C4orf51: variants seen among roughly 807,000 people sequenced by gnomAD.
C4orf51 encodes chromosome 4 open reading frame 51, also known as uncharacterized protein C4orf51.
C4orf51 carries 25 observed loss-of-function variants against 25.2 expected under a neutral mutation model. The ratio of observed to expected loss-of-function variants is 0.99; its 90% CI spans 0.72 to 1.39. The LOEUF is 1.39. Among genes scored for constraint, C4orf51 ranks in the 40% most tolerant of loss-of-function variants. The pLI is 0.00. For synonymous variants in C4orf51, 100 were observed against 84.5 expected (o/e 1.18, Z -1.01); for missense variants, 252 against 239.6 (o/e 1.05, Z -0.34).
chr4:145,763,546 C>T lies in C4orf51; in HGVS notation n.167-7442C>T, dbSNP rs1734836505. On this transcript the variant is annotated intron_variant and non_coding_transcript_variant, in intron 1 of 1. Coordinates refer to the C4orf51 transcript ENST00000510096. The surrounding 1 kb of genome is among the most constrained non-coding windows in gnomAD (Gnocchi z 4.6). ...AGCATCAGAATTCACTGTGCATTCT[C>T]CCCAATGGCTTCAGAGGCTGGGGAC... is the stretch of plus-strand genomic sequence containing the variant. Among the ~76,000 whole-genome samples the T allele has an allele frequency of 6.6e-6, 1 of 152,174 alleles. No homozygotes were observed. The highest frequency in any genetic ancestry group is 2.4e-5 in the African/African-American group (1 of 41,444).
intron 2 of C4orf51, among the ~76,000 whole-genome samples, chr4:145,711,554 G>T (rs1289058318): frequency 6.6e-6 from 1 of 151,960 alleles, no homozygotes; most frequent in Non-Finnish European, 1.5e-5. Flanking sequence ...CTGTATATTA[G>T]TTATCTTGAT....
intron 2 of C4orf51, among the ~76,000 whole-genome samples, chr4:145,701,315 G>A (rs1288829640): frequency 2.0e-5 from 3 of 151,832 alleles, no homozygotes; most frequent in African/African-American, 4.8e-5. Context: ...ACTTCCAAAC[G>A]CCTAAACCGA....
At chr4:145,789,341 A>G in the C4orf51 span, among the ~76,000 whole-genome samples, 1 of 152,202 alleles carries the variant, frequency 6.6e-6, no homozygotes, top group Non-Finnish European at 1.5e-5. Context: ...AGTTTCATCC[A>G]ATTTTGGCAG....
chr4:145,744,614 G>T (rs1217664724), intron 1 of C4orf51, among the ~76,000 whole-genome samples: 1 of 152,042 alleles, frequency 6.6e-6, no homozygotes, highest in East Asian at 1.9e-4. Flanking sequence ...GAGGTCAGGA[G>T]ATCGAGACCA....
downstream of C4orf51, chr4:145,754,372 A>G (rs1733829269): frequency 6.6e-6 from 1 of 152,254 alleles, no homozygotes; most frequent in African/African-American, 2.4e-5. Context: ...GAAACCATTT[A>G]CTCTTCTACA....
chr4:145,713,199 A>G (rs1731226255), intron 2 of C4orf51, among the ~76,000 whole-genome samples: 2 of 152,198 alleles, frequency 1.3e-5, no homozygotes, highest in South Asian at 2.1e-4. Context: ...TCTGTAGCCT[A>G]TGGATTAGGG....
At chr4:145,688,472 G>A (rs1729319200) in intron 1 of C4orf51, among the ~76,000 whole-genome samples, 1 of 152,150 alleles carries the variant, frequency 6.6e-6, no homozygotes, top group Non-Finnish European at 1.5e-5. Context: ...GATCATGGGG[G>A]CAGTTCCCCC....
At chr4:145,720,509 G>A (rs963987466) in intron 2 of C4orf51, among the ~76,000 whole-genome samples, 23 of 152,056 alleles carry the variant, frequency 1.5e-4, no homozygotes, top group African/African-American at 5.1e-4. Context: ...TCCACCTGTC[G>A]GCTGAGCTGT....
chr4:145,719,277 T>C (rs912816034), intron 2 of C4orf51, among the ~76,000 whole-genome samples: 2 of 151,902 alleles, frequency 1.3e-5, no homozygotes, highest in Non-Finnish European at 2.9e-5. Context: ...AGGAAACTTA[T>C]ACATGACTTT....
chr4:145,757,117 C>G (rs1052710180), downstream of C4orf51, among the ~76,000 whole-genome samples: 1 of 152,180 alleles, frequency 6.6e-6, no homozygotes, highest in African/African-American at 2.4e-5. Context: ...TGTCTTTGGT[C>G]TCAGTTTCTT....
chr4:145,781,195 C>CAAAAAAAAAAAAAAAAAAAAAAAAAAA, the C4orf51 span, among the ~76,000 whole-genome samples: 10 of 56,544 alleles, frequency 1.8e-4, no homozygotes, highest in Non-Finnish European at 2.3e-4. Flanking sequence ...GACACCATCT[C>CAAAAAAAAAAAAAAAAAAAAAAAAAAA]AAAAAAAAAA....
chr4:145,697,078 A>G (rs1159577182), intron 2 of C4orf51, among the ~76,000 whole-genome samples: 2 of 150,288 alleles, frequency 1.3e-5, no homozygotes, highest in African/African-American at 4.9e-5. Context: ...AAACAAACAA[A>G]AACAGACCTA....
At chr4:145,685,949 T>C (rs187463560) in intron 1 of C4orf51, among the ~76,000 whole-genome samples, 45 of 152,264 alleles carry the variant, frequency 3.0e-4, no homozygotes, top group Non-Finnish European at 4.4e-5. Flanking sequence ...AATCTTTGAA[T>C]TGAATAATAC....
At chr4:145,693,480 C>T (rs1191041843) in intron 1 of C4orf51, among the ~76,000 whole-genome samples, 1 of 152,180 alleles carries the variant, frequency 6.6e-6, no homozygotes, top group Admixed American at 6.5e-5. Flanking sequence ...CTTTTCCCCA[C>T]CTTTCCCGCC....
intron 3 of C4orf51, among the ~76,000 whole-genome samples, chr4:145,728,772 A>T (rs1732255208): frequency 6.6e-6 from 1 of 152,200 alleles, no homozygotes. Flanking sequence ...AATGATAATG[A>T]TAGTATATTT....
chr4:145,684,339 A>G (rs1729012261), intron 1 of C4orf51, among the ~76,000 whole-genome samples: 1 of 152,082 alleles, frequency 6.6e-6, no homozygotes, highest in African/African-American at 2.4e-5. Flanking sequence ...AAAATTAGCC[A>G]GGCTTGGTGG....
At chr4:145,775,752 G>T (rs1482085494), downstream of C4orf51, 10 of 1,611,760 alleles carry the variant, frequency 6.2e-6, no homozygotes, top group African/African-American at 1.3e-5. Context: ...TCAAGAGTCT[G>T]AGAAAGGCGG....
At chr4:145,790,504 C>T in the C4orf51 span, among the ~76,000 whole-genome samples, 1 of 152,146 alleles carries the variant, frequency 6.6e-6, no homozygotes, top group Non-Finnish European at 1.5e-5. Flanking sequence ...CTATGCATCA[C>T]ACCTATAGAG....
downstream of C4orf51, chr4:145,774,723 C>T: frequency 6.3e-7 from 1 of 1,578,524 alleles, no homozygotes; most frequent in Non-Finnish European, 8.7e-7. Context: ...GTGACACATA[C>T]TTCTAAATGT....
Sources: gnomAD v4.1 joint callset for allele counts (sites outside exome capture counted in the v4.1 genomes callset) on GRCh38, gnomAD v4.1.1 for gene constraint, Gnocchi (gnomAD v3.1) non-coding constraint, MANE v1.5 for transcripts, NCBI Gene and HGNC (gene_info 2026-07-23, HGNC 2026-07-21) for gene names.